TMEM135: variants seen among roughly 807,000 people sequenced by gnomAD.
TMEM135 encodes the protein peroxisomal membrane protein 52.
In TMEM135, 30 loss-of-function variants were observed where a neutral mutation model predicts 60.3. That is an observed-to-expected ratio of 0.50 (90% CI 0.37 to 0.68). The LOEUF (loss-of-function observed/expected upper bound fraction) is 0.68. Among genes scored for constraint, TMEM135 ranks in the 30% least tolerant of loss-of-function variants. The pLI is 0.00. For synonymous variants in TMEM135, 190 were observed against 186.7 expected (o/e 1.02, Z -0.14); for missense variants, 468 against 548.8 (o/e 0.85, Z 1.47).
chr11:87,253,702 G>A (rs1296760119), intron 6 of TMEM135, among the ~76,000 whole-genome samples: 3 of 42,040 alleles, frequency 7.1e-5, no homozygotes. Flanking sequence ...TATATATCCT[G>A]GTGTACACTT....
chr11:87,135,566 C>T (rs1399645442), intron 4 of TMEM135, among the ~76,000 whole-genome samples: 1 of 146,780 alleles, frequency 6.8e-6, no homozygotes, highest in Non-Finnish European at 1.5e-5. Flanking sequence ...ATGTGGGTCT[C>T]TTTCTGGACT....
At chr11:87,184,390 AT>A (rs886127022) in intron 5 of TMEM135, among the ~76,000 whole-genome samples, 1 of 152,198 alleles carries the variant, frequency 6.6e-6, no homozygotes, top group African/African-American at 2.4e-5. Flanking sequence ...AAAATGCATC[AT>A]GAGGAATTAA....
intron 4 of TMEM135, among the ~76,000 whole-genome samples, chr11:87,120,110 C>CTTTTTTTTTTTTTTTTTT (rs770897413): frequency 1.5e-5 from 2 of 130,930 alleles, no homozygotes; most frequent in Admixed American, 8.5e-5. Flanking sequence ...TTTTTTTCTT[C>CTTTTTTTTTTTTTTTTTT]TTCTTCTTTT....
In TMEM135 at chr11:87,305,996, T is replaced by C. The variant is rs551361550; in HGVS notation, c.759T>C (p.Tyr253=). ...CKHYEDNCIS[Y]CIKGFIRMFS... is the part of the protein sequence containing the mutation. The stretch of plus-strand genomic sequence containing the variant: ...ATTATGAAGATAATTGCATCTCTTA[T>C]TGCATTAAAGTAAGTATATGAAAGT... Residue 253 remains tyrosine (Y), a synonymous_variant, in exon 9 of 15, where the codon TAT becomes TAC. Coordinates refer to ENST00000305494, the MANE Select transcript of TMEM135 (RefSeq NM_022918.4). 1 of 1,595,784 alleles carries C rather than the reference T, an allele frequency of 6.3e-7. No individual in the cohort carries two copies. The highest frequency in any genetic ancestry group is 1.3e-5 in the African/African-American group (1 of 74,718).
At chr11:87,119,276 T>C (rs1390249792) in intron 4 of TMEM135, among the ~76,000 whole-genome samples, 2 of 152,200 alleles carry the variant, frequency 1.3e-5, no homozygotes, top group African/African-American at 4.8e-5. Flanking sequence ...TAGGGAGACC[T>C]GAGGAGAGTG....
intron 6 of TMEM135, among the ~76,000 whole-genome samples, chr11:87,282,532 C>A (rs1181733039): frequency 6.6e-6 from 1 of 152,218 alleles, no homozygotes; most frequent in Non-Finnish European, 1.5e-5. Flanking sequence ...TCCCAAAGTG[C>A]TGGGATTACA....
At chr11:87,193,996 A>C (rs185991921) in intron 5 of TMEM135, among the ~76,000 whole-genome samples, 4 of 152,198 alleles carry the variant, frequency 2.6e-5, no homozygotes, top group African/African-American at 9.6e-5. Context: ...AGCAGAGAAG[A>C]TTAATGTAGT....
chr11:87,275,682 T>TG (rs1380388933), intron 6 of TMEM135, among the ~76,000 whole-genome samples: 2 of 152,070 alleles, frequency 1.3e-5, no homozygotes, highest in South Asian at 4.1e-4. Context: ...TTTTTTGAGA[T>TG]GGAGTTTCAC....
chr11:87,279,722 C>A (rs534449611), intron 6 of TMEM135, among the ~76,000 whole-genome samples: 2 of 152,308 alleles, frequency 1.3e-5, no homozygotes, highest in South Asian at 4.1e-4. Context: ...GCTTACTCCA[C>A]CTCATGTAAC....
intron 1 of TMEM135, among the ~76,000 whole-genome samples, chr11:87,045,543 G>A (rs947367563): frequency 6.6e-6 from 1 of 152,124 alleles, no homozygotes; most frequent in Non-Finnish European, 1.5e-5. Flanking sequence ...TCATAGATGA[G>A]GGATAAAAAT....
At chr11:87,157,630 CA>C in intron 5 of TMEM135, 1 of 447,334 alleles carries the variant, frequency 2.2e-6, no homozygotes, top group African/African-American at 2.0e-5. Flanking sequence ...CTTTAGTTAT[CA>C]AATATCTTTA....
At chr11:87,262,427 A>G (rs896504542) in intron 6 of TMEM135, among the ~76,000 whole-genome samples, 2 of 152,230 alleles carry the variant, frequency 1.3e-5, no homozygotes, top group Admixed American at 6.5e-5. Context: ...TTGTCAGTCA[A>G]ATCATCTAAA....
intron 4 of TMEM135, among the ~76,000 whole-genome samples, chr11:87,130,637 G>T (rs570211011): frequency 6.6e-6 from 1 of 152,024 alleles, no homozygotes; most frequent in Admixed American, 6.6e-5. Context: ...ATGAGTAGCT[G>T]TTAAACCTTT....
intron 5 of TMEM135, among the ~76,000 whole-genome samples, chr11:87,210,361 A>C (rs1243701635): frequency 6.6e-6 from 1 of 152,178 alleles, no homozygotes; most frequent in Non-Finnish European, 1.5e-5. Context: ...AAATAGAAAA[A>C]ATATTCTCAG....
intron 1 of TMEM135, among the ~76,000 whole-genome samples, chr11:87,066,035 G>C (rs945262264): frequency 2.0e-5 from 3 of 152,192 alleles, no homozygotes; most frequent in African/African-American, 7.2e-5. Context: ...CGAAGTAATA[G>C]ATGGTCAGTT....
chr11:87,191,409 A>G (rs1431417691), intron 5 of TMEM135, among the ~76,000 whole-genome samples: 1 of 151,712 alleles, frequency 6.6e-6, no homozygotes. Flanking sequence ...CCCGGCTAAT[A>G]TTTTTGTATT....
chr11:87,272,064 T>C (rs1420895307), intron 6 of TMEM135, among the ~76,000 whole-genome samples: 3 of 147,618 alleles, frequency 2.0e-5, no homozygotes, highest in African/African-American at 7.6e-5. Flanking sequence ...TTTTTTTTTT[T>C]TTTTTTTAAG....
rs371919827 is a variant in TMEM135, at chr11:87,129,544, A to ATTTT, written c.397-27786_397-27783dup. ...AGGCGTGATCCACCATGCTTGGCCA[A>ATTTT]TTTTTTTTTTTTTTGAAATGGAATC... On this transcript the variant is annotated intron_variant, in intron 4 of 14. Transcript: ENST00000305494. 1.6e-3 allele frequency among the ~76,000 whole-genome samples: 198 copies of ATTTT among 125,650 alleles called. 15 individuals carry two copies. The highest frequency in any genetic ancestry group is 2.9e-3 in the East Asian group (12 of 4,202). 82.4% of individuals were successfully genotyped at this position (125,650 alleles called of 152,430 possible). A position where few individuals can be genotyped will look rare whatever the true frequency, so the allele number is the denominator to read the frequency against.
At chr11:87,132,396 T>C (rs1937957978) in intron 4 of TMEM135, among the ~76,000 whole-genome samples, 1 of 152,204 alleles carries the variant, frequency 6.6e-6, no homozygotes, top group Non-Finnish European at 1.5e-5. Context: ...TTATATAGGC[T>C]AGCCTGGCTT....
Sources: allele counts gnomAD v4.1 joint callset (sites outside exome capture counted in the v4.1 genomes callset), GRCh38; gene constraint gnomAD v4.1.1; transcripts MANE v1.5; gene names NCBI Gene and HGNC (gene_info 2026-07-23, HGNC 2026-07-21).